Variants in BCAT1 observed in about 807,000 individuals in gnomAD.
BCAT1 encodes branched chain amino acid transaminase 1, also known as branched-chain-amino-acid aminotransferase, cytosolic.
BCAT1 carries 48 observed loss-of-function variants against 52.4 expected under a neutral mutation model. The ratio of observed to expected loss-of-function variants is 0.92; its 90% CI spans 0.73 to 1.16. The LOEUF is 1.16. Ranked by LOEUF, BCAT1 falls within the 50% of genes most tolerant of loss-of-function variation. The pLI is 0.00. For missense variants in BCAT1, 451 were observed against 457.1 expected, an observed-to-expected ratio of 0.99 and a Z score of 0.12; for synonymous variants, 167 against 161.3, an observed-to-expected ratio of 1.04 and a Z score of -0.27.
At chr12:24,904,774 TG>T (rs1202240629) in intron 1 of BCAT1, 1 of 152,214 alleles carries the variant, frequency 6.6e-6, no homozygotes, top group African/African-American at 2.4e-5. Flanking sequence ...GGCTAGTTGC[TG>T]GGGGAGGGTT....
chr12:24,855,660 C>A (rs367839703), intron 5 of BCAT1, among the ~76,000 whole-genome samples: 1 of 152,196 alleles, frequency 6.6e-6, no homozygotes, highest in Non-Finnish European at 1.5e-5. Flanking sequence ...GGATTACAGG[C>A]GTGAACTACC....
intron 6 of BCAT1, among the ~76,000 whole-genome samples, chr12:24,846,315 T>C (rs924878626): frequency 7.2e-5 from 11 of 152,220 alleles, no homozygotes; most frequent in African/African-American, 2.7e-4. Flanking sequence ...CCCAGAGTTC[T>C]CTCACAGGTG....
chr12:24,819,996 T>C (rs1342950528), intron 10 of BCAT1, among the ~76,000 whole-genome samples: 2 of 152,226 alleles, frequency 1.3e-5, no homozygotes, highest in African/African-American at 2.4e-5. Flanking sequence ...TTCCCATTAA[T>C]ATATTAAACA....
At chr12:24,894,552 A>G (rs1422611378) in intron 2 of BCAT1, 77 bp from the exon 3 acceptor site, 2 of 1,213,586 alleles carry the variant, frequency 1.6e-6, no homozygotes, top group Non-Finnish European at 2.3e-6. Context: ...AGGGGAAAAA[A>G]AAAAAGGAAA....
intron 8 of BCAT1, among the ~76,000 whole-genome samples, chr12:24,835,102 T>C (rs1339053245): frequency 6.6e-6 from 1 of 152,226 alleles, no homozygotes; most frequent in Non-Finnish European, 1.5e-5. Context: ...TTGGTTGATA[T>C]TTTTCTTTAA....
chr12:24,850,331 TA>T (rs1941470332), intron 5 of BCAT1, among the ~76,000 whole-genome samples: 1 of 152,112 alleles, frequency 6.6e-6, no homozygotes. Context: ...CTTTGGGGGG[TA>T]AAATATAATA....
intron 6 of BCAT1, among the ~76,000 whole-genome samples, chr12:24,842,543 C>T (rs531654658): frequency 6.6e-6 from 1 of 152,010 alleles, no homozygotes; most frequent in Admixed American, 6.5e-5. Context: ...TTCCACACAC[C>T]AAGCAATTTT....
chr12:24,938,344 G>A (rs182826917), intron 1 of BCAT1, among the ~76,000 whole-genome samples: 1 of 152,294 alleles, frequency 6.6e-6, no homozygotes, highest in East Asian at 1.9e-4. Flanking sequence ...AGGAGGAGCA[G>A]GAAACCCTTA....
intron 1 of BCAT1, among the ~76,000 whole-genome samples, chr12:24,944,146 A>G (rs543505273): frequency 6.6e-6 from 1 of 152,316 alleles, no homozygotes; most frequent in East Asian, 1.9e-4. Flanking sequence ...ACTGAAAACC[A>G]TGGAACCCTG....
chr12:24,857,690 T>C (rs1034208946), intron 5 of BCAT1, among the ~76,000 whole-genome samples: 9 of 152,210 alleles, frequency 5.9e-5, no homozygotes, highest in African/African-American at 2.2e-4. Flanking sequence ...GAAAAATCTG[T>C]TTTCCTCATG....
At chr12:24,869,601 C>T (rs866491273) in intron 5 of BCAT1, among the ~76,000 whole-genome samples, 2 of 152,196 alleles carry the variant, frequency 1.3e-5, no homozygotes, top group Non-Finnish European at 2.9e-5. Flanking sequence ...TGACCCAGCA[C>T]TTCAACTCCT....
rs1941452346 is a variant in BCAT1, at chr12:24,849,833, CT to C, written c.626del (p.Lys209SerfsTer3). The C allele has an allele frequency of 6.2e-7, 1 of 1,613,626 alleles. No individual in the cohort carries two copies. Among genetic ancestry groups the C allele is most frequent in the Non-Finnish European group, 8.5e-7 (1 of 1,179,742 alleles). On this transcript the variant is annotated frameshift_variant, in exon 6 of 11. Coordinates refer to ENST00000261192, the MANE Select transcript of BCAT1 (RefSeq NM_005504.7). LOFTEE classifies it high-confidence loss of function. ...FNPVSLWANP[K>X]YVRAWKGGTG... The stretch of plus-strand genomic sequence containing the variant: ...TTCCACCTTTCCAGGCTCTTACATA[CT>C]TGGGATTGGCCCACAGGGACACTGG...
rs1941195133 is a variant in BCAT1 at position 24,842,153 on chromosome 12, T to G, written c.746A>C (p.Tyr249Ser). ...DNGCQQVLWL[Y>S]GEDHQITEVG... ...TTCAGTGATCTGATGGTCCTCTCCATAGAGCCACAGGACCTGCTGACACCC... is the reference window on the plus strand; with the variant it reads ...TTCAGTGATCTGATGGTCCTCTCCAGAGAGCCACAGGACCTGCTGACACCC... The change falls in exon 7 of 11, where the codon TAT (tyrosine) becomes TCT (serine). Residue 249 changes from tyrosine (Y) to serine (S), a missense_variant. By Grantham distance (144) the Tyr-to-Ser change is moderately radical. Coordinates refer to ENST00000261192, the MANE Select transcript of BCAT1 (RefSeq NM_005504.7). 12 of 1,613,734 alleles carry G rather than the reference T, an allele frequency of 7.4e-6. No homozygotes were observed. The East Asian group carries it at 2.7e-4, about 36-fold the overall frequency.
intron 1 of BCAT1, among the ~76,000 whole-genome samples, chr12:24,928,169 A>T (rs1431191549): frequency 6.6e-6 from 1 of 152,222 alleles, no homozygotes; most frequent in Non-Finnish European, 1.5e-5. Flanking sequence ...GTCACATAGC[A>T]TGTTTGCAAT....
chr12:24,914,206 C>T (rs897741355), intron 1 of BCAT1, among the ~76,000 whole-genome samples: 10 of 152,042 alleles, frequency 6.6e-5, no homozygotes, highest in Non-Finnish European at 1.2e-4. Flanking sequence ...ATCCACCTCC[C>T]GAGGAGCTGG....
At chr12:24,836,785 A>AGAAAGAAGGAAGGAAG (rs199904145) in intron 7 of BCAT1, among the ~76,000 whole-genome samples, 189 bp from the exon 8 acceptor site, 3 of 141,094 alleles carry the variant, frequency 2.1e-5, no homozygotes, top group Non-Finnish European at 4.7e-5. Context: ...TAAAAAAAGA[A>AGAAAGAAGGAAGGAAG]GAAAGAAGGA....
intron 10 of BCAT1, among the ~76,000 whole-genome samples, chr12:24,822,809 A>T (rs767480734): frequency 2.2e-4 from 34 of 152,158 alleles, no homozygotes; most frequent in Non-Finnish European, 4.4e-4. Context: ...GAGGTTCTGA[A>T]TATATCATTT....
intron 5 of BCAT1, among the ~76,000 whole-genome samples, chr12:24,871,102 T>A (rs1942174047): frequency 6.6e-6 from 1 of 151,654 alleles, no homozygotes; most frequent in African/African-American, 2.4e-5. Context: ...GTGGGGTCAC[T>A]TCTGATGCCA....
At chr12:24,898,259 C>G (rs1049075196) in intron 2 of BCAT1, among the ~76,000 whole-genome samples, 4 of 152,198 alleles carry the variant, frequency 2.6e-5, no homozygotes, top group Non-Finnish European at 5.9e-5. Context: ...TAATCTGTCT[C>G]TTTCCAATGC....
Sources: allele counts gnomAD v4.1 joint callset (sites outside exome capture counted in the v4.1 genomes callset), GRCh38; gene constraint gnomAD v4.1.1; transcripts MANE v1.5; gene names NCBI Gene and HGNC (gene_info 2026-07-23, HGNC 2026-07-21).